The following ENTREP2 variants were observed in gnomAD, a reference collection of about 807,000 sequenced individuals.
ENTREP2 encodes the protein protein ENTREP2.
chr15:29,135,116 A>G, the ENTREP2 span, among the ~76,000 whole-genome samples: 3,555 of 142,014 alleles, frequency 0.025, 166 homozygotes, highest in African/African-American at 0.1. The surrounding 1 kb of genome is among the most constrained non-coding windows in gnomAD (Gnocchi z 7.4). Context: ...TTCAGCCCCT[A>G]CCCCCGCCCC....
chr15:29,336,141 C>CAAA, the ENTREP2 span, among the ~76,000 whole-genome samples: 3,086 of 76,438 alleles, frequency 0.04, 169 homozygotes, highest in African/African-American at 0.046. Flanking sequence ...GACTCCGTCT[C>CAAA]AAAAAAAAAA....
the ENTREP2 span, among the ~76,000 whole-genome samples, chr15:29,471,686 C>T: frequency 6.6e-6 from 1 of 152,208 alleles, no homozygotes; most frequent in African/African-American, 2.4e-5. Context: ...ATACGTAAGC[C>T]CCGCACCCGC....
chr15:29,638,487 A>G, the ENTREP2 span, among the ~76,000 whole-genome samples: 7,052 of 152,342 alleles, frequency 0.046, 186 homozygotes, highest in South Asian at 0.065. Context: ...ATCAAGGTTT[A>G]AGAACATAAT....
the ENTREP2 span, among the ~76,000 whole-genome samples, chr15:29,574,070 G>A: frequency 0.16 from 24,882 of 152,002 alleles, 2,914 homozygotes; most frequent in East Asian, 0.49. Flanking sequence ...AGAAAGGTAG[G>A]GAGAGAGGGT....
At chr15:29,200,257 C>T in the ENTREP2 span, among the ~76,000 whole-genome samples, 1 of 152,104 alleles carries the variant, frequency 6.6e-6, no homozygotes, top group South Asian at 2.1e-4. Flanking sequence ...CTCACTGCAA[C>T]CTCCGCCTCC....
At chr15:29,565,692 G>A in the ENTREP2 span, among the ~76,000 whole-genome samples, 6 of 152,154 alleles carry the variant, frequency 3.9e-5, no homozygotes, top group East Asian at 3.9e-4. Context: ...GGCCGGGTGC[G>A]GTGGCTCACG....
At chr15:29,359,204 A>G in the ENTREP2 span, among the ~76,000 whole-genome samples, 1 of 152,184 alleles carries the variant, frequency 6.6e-6, no homozygotes, top group Non-Finnish European at 1.5e-5. Flanking sequence ...AGCTAACAGT[A>G]GCTGTGGGCC....
the ENTREP2 span, among the ~76,000 whole-genome samples, chr15:29,524,889 G>T: frequency 1.3e-5 from 2 of 152,242 alleles, no homozygotes; most frequent in African/African-American, 2.4e-5. Flanking sequence ...ACCCAAAGGG[G>T]GTTGCCCACT....
chr15:29,628,950 G>C, the ENTREP2 span, among the ~76,000 whole-genome samples: 1 of 151,978 alleles, frequency 6.6e-6, no homozygotes, highest in Non-Finnish European at 1.5e-5. Context: ...GCATTTCACC[G>C]TGTTGGCCAG....
chr15:29,125,698 G>A, the ENTREP2 span, among the ~76,000 whole-genome samples: 186 of 152,326 alleles, frequency 1.2e-3, no homozygotes, highest in Middle Eastern at 0.01. Flanking sequence ...CCAGCGCCGG[G>A]GGTGCCCAAG....
At chr15:29,484,633 T>C in the ENTREP2 span, among the ~76,000 whole-genome samples, 1 of 152,048 alleles carries the variant, frequency 6.6e-6, no homozygotes, top group Non-Finnish European at 1.5e-5. Context: ...GGGATTATAA[T>C]ATGCAAAAAA....
the ENTREP2 span, among the ~76,000 whole-genome samples, chr15:29,162,851 C>A: frequency 2.0e-5 from 3 of 152,132 alleles, no homozygotes; most frequent in Non-Finnish European, 2.9e-5. Context: ...GGAGGCCAAC[C>A]CGCACAAAAA....
At chr15:29,224,262 G>A in the ENTREP2 span, among the ~76,000 whole-genome samples, 3,766 of 152,206 alleles carry the variant, frequency 0.025, 169 homozygotes, top group African/African-American at 0.086. Flanking sequence ...ACTGGCTTCA[G>A]GAGTGAAGCT....
At chr15:29,381,700 C>T in the ENTREP2 span, 1 of 1,266,954 alleles carries the variant, frequency 7.9e-7, no homozygotes, top group South Asian at 1.3e-5. Context: ...CTCTTCGCCA[C>T]TGCCTCCAAC....
chr15:29,491,233 C>G, the ENTREP2 span, among the ~76,000 whole-genome samples: 4 of 152,104 alleles, frequency 2.6e-5, no homozygotes, highest in Non-Finnish European at 5.9e-5. Flanking sequence ...GTGCACAGCC[C>G]TGGTTCCTGC....
chr15:29,253,922 T>C, the ENTREP2 span, among the ~76,000 whole-genome samples: 1 of 152,126 alleles, frequency 6.6e-6, no homozygotes, highest in Non-Finnish European at 1.5e-5. Flanking sequence ...GTATAGTTCA[T>C]ATATGAAAAG....
the ENTREP2 span, among the ~76,000 whole-genome samples, chr15:29,327,234 T>C: frequency 6.6e-6 from 1 of 152,184 alleles, no homozygotes; most frequent in East Asian, 1.9e-4. Context: ...TGATAAAGAA[T>C]TTGTATCCAA....
At chr15:29,570,980 C>T in the ENTREP2 span, among the ~76,000 whole-genome samples, 1 of 145,232 alleles carries the variant, frequency 6.9e-6, no homozygotes, top group Admixed American at 6.8e-5. Context: ...GCTGCGCCCT[C>T]CCCCGCCCGC....
chr15:29,487,730 T>C, the ENTREP2 span, among the ~76,000 whole-genome samples: 6 of 152,234 alleles, frequency 3.9e-5, no homozygotes, highest in African/African-American at 7.2e-5. Context: ...TCTCACTCTG[T>C]CACCCAGGGT....
Sources: allele counts gnomAD v4.1 joint callset (sites outside exome capture counted in the v4.1 genomes callset), GRCh38; gene constraint gnomAD v4.1.1; non-coding constraint Gnocchi (gnomAD v3.1); transcripts MANE v1.5; gene names NCBI Gene and HGNC (gene_info 2026-07-23, HGNC 2026-07-21).